RAP1GAP2: variants seen among roughly 807,000 people sequenced by gnomAD.
RAP1GAP2 encodes rap1 GTPase-activating protein 2.
RAP1GAP2 carries 27 observed loss-of-function variants against 95.0 expected under a neutral mutation model. That is an observed-to-expected ratio of 0.28 (90% CI 0.21 to 0.39). The LOEUF (loss-of-function observed/expected upper bound fraction) is 0.39. Among genes scored for constraint, RAP1GAP2 ranks in the 10% least tolerant of loss-of-function variants. The pLI, the probability that RAP1GAP2 is intolerant of heterozygous loss-of-function variation, is 1.00. For missense variants in RAP1GAP2, 771 were observed against 970.0 expected, an observed-to-expected ratio of 0.79 and a Z score of 2.72; for synonymous variants, 373 against 380.9, an observed-to-expected ratio of 0.98 and a Z score of 0.24.
At chr17:2,838,489 G>C (rs776372389) in intron 2 of RAP1GAP2, among the ~76,000 whole-genome samples, 8 of 152,080 alleles carry the variant, frequency 5.3e-5, no homozygotes, top group Non-Finnish European at 1.0e-4. Context: ...GGAGAGTTGG[G>C]ATGGTGACCT....
At chr17:2,847,078 G>A (rs1486674685) in intron 2 of RAP1GAP2, among the ~76,000 whole-genome samples, 1 of 152,114 alleles carries the variant, frequency 6.6e-6, no homozygotes, top group Non-Finnish European at 1.5e-5. Flanking sequence ...GCGCGATCTC[G>A]GCTCACTGCA....
rs1362866642 is a variant in RAP1GAP2, at chr17:3,029,173, A to G, written c.2108-1749A>G. On this transcript the variant is annotated intron_variant, in intron 22 of 24. Transcript: ENST00000254695. The surrounding 1 kb of genome is among the most constrained non-coding windows in gnomAD (Gnocchi z 4.4). ...GAAGGAATGAATGAAAGAATCTGTAAGCAAGCCTGGCCCCCACTTGGTGTT... is the reference window on the plus strand; with the variant it reads ...GAAGGAATGAATGAAAGAATCTGTAGGCAAGCCTGGCCCCCACTTGGTGTT... 6.6e-6 allele frequency among the ~76,000 whole-genome samples: 1 copy of G among 152,172 alleles called. No individual in the cohort carries two copies. Among genetic ancestry groups the G allele is most frequent in the African/African-American group, 2.4e-5 (1 of 41,438 alleles).
rs58160165 is a variant in RAP1GAP2, at chr17:2,828,984, C to CTTTTTTTTT, written c.80+28445_80+28453dup. On this transcript the variant is annotated intron_variant, in intron 2 of 24. Coordinates refer to ENST00000254695, the MANE Select transcript of RAP1GAP2 (RefSeq NM_015085.5). ...TCCTGTCTCAAAGATTAATTACTTG[C>CTTTTTTTTT]TTTTTTTTTTTTTTTTTTTGGGAAA... Among the ~76,000 whole-genome samples the CTTTTTTTTT allele has an allele frequency of 2.6e-3, 214 of 80,782 alleles. 12 individuals carry two copies. Among genetic ancestry groups the CTTTTTTTTT allele is most frequent in the South Asian group, 3.5e-3 (7 of 1,996 alleles). 53.0% of individuals were successfully genotyped at this position (80,782 alleles called of 152,430 possible). A position where few individuals can be genotyped will look rare whatever the true frequency, so the allele number is the denominator to read the frequency against.
At chr17:2,914,276 A>G (rs1303165872) in intron 3 of RAP1GAP2, among the ~76,000 whole-genome samples, 1 of 152,166 alleles carries the variant, frequency 6.6e-6, no homozygotes, top group Non-Finnish European at 1.5e-5. Flanking sequence ...CTGCATCCTC[A>G]TCAACATTTG....
At chr17:2,828,751 G>T (rs570659486) in intron 2 of RAP1GAP2, among the ~76,000 whole-genome samples, 1 of 152,114 alleles carries the variant, frequency 6.6e-6, no homozygotes, top group African/African-American at 2.4e-5. Context: ...AGCCCTGGCC[G>T]GGGGCAGAAG....
At chr17:2,859,484 G>A (rs992655042) in intron 2 of RAP1GAP2, among the ~76,000 whole-genome samples, 15 of 152,184 alleles carry the variant, frequency 9.9e-5, no homozygotes, top group Non-Finnish European at 1.9e-4. Context: ...CACCCAGGGT[G>A]GAGTGCAGTG....
intron 4 of RAP1GAP2, among the ~76,000 whole-genome samples, 167 bp downstream of exon 4, chr17:2,957,961 G>A (rs768422097): frequency 4.6e-5 from 7 of 152,136 alleles, no homozygotes; most frequent in Non-Finnish European, 1.5e-5. Flanking sequence ...TTTTGCTGTT[G>A]AGGGGTACGG....
At chr17:3,025,627 C>T (rs1041371733) in intron 19 of RAP1GAP2, among the ~76,000 whole-genome samples, 5 of 152,134 alleles carry the variant, frequency 3.3e-5, no homozygotes, top group Non-Finnish European at 5.9e-5. Flanking sequence ...GCGGTGGGGG[C>T]GGATGTCATA....
Position 2,882,333 on chromosome 17 carries a change from C to T in RAP1GAP2, c.81-22951C>T, listed in dbSNP as rs192321603. Among the ~76,000 whole-genome samples, 366 of 151,334 alleles carry T rather than the reference C, an allele frequency of 2.4e-3. 1 individual carries two copies. The highest frequency in any genetic ancestry group is 3.7e-3 in the Non-Finnish European group (252 of 67,830). On this transcript the variant is annotated intron_variant, in intron 2 of 24. Transcript: ENST00000254695. ...TGGCATAGAGTCTTACTCTTGTCCC[C>T]CAGGGTGGAGTGCAGTGGCACAATC...
In RAP1GAP2 at chr17:3,004,316, C is replaced by T. The variant is rs984995927; in HGVS notation, c.1201-1053C>T. Among the ~76,000 whole-genome samples, 6 of 152,246 alleles carry T rather than the reference C, an allele frequency of 3.9e-5. No homozygotes were observed. The highest frequency in any genetic ancestry group is 3.3e-4 in the Admixed American group (5 of 15,288). ...AAAGCCCGTATTGACCAGCTCTCTC[C>T]CGCTCCGTTTCCCCTCCGGACTCTG... On this transcript the variant is annotated intron_variant, in intron 14 of 24. Transcript: ENST00000254695. This position sits in a 1 kb window ranked among gnomAD's most constrained non-coding sequence, Gnocchi z 4.1.
intron 7 of RAP1GAP2, chr17:2,964,747 G>T (rs1432224113): frequency 1.3e-5 from 2 of 152,880 alleles, no homozygotes; most frequent in African/African-American, 4.8e-5. Flanking sequence ...TCCTCTGAGT[G>T]CTTGTACTGC....
chr17:2,785,942 C>T (rs1490810162), intron 1 of RAP1GAP2, among the ~76,000 whole-genome samples: 5 of 138,340 alleles, frequency 3.6e-5, no homozygotes, highest in East Asian at 2.1e-4. Context: ...GCTCTTGTTG[C>T]CCAGGCTGGA....
intron 2 of RAP1GAP2, among the ~76,000 whole-genome samples, chr17:2,808,572 G>A (rs1213263105): frequency 3.3e-5 from 5 of 152,128 alleles, no homozygotes; most frequent in South Asian, 2.1e-4. Context: ...GCGTCCCCTC[G>A]CTGGCCCGGC....
chr17:3,015,459 T>G (rs955562304), intron 17 of RAP1GAP2, among the ~76,000 whole-genome samples: 1 of 152,110 alleles, frequency 6.6e-6, no homozygotes, highest in African/African-American at 2.4e-5. Context: ...AGACCTGTTG[T>G]TTGGGTCAGG....
Position 2,820,164 on chromosome 17 carries a change from C to T in RAP1GAP2, c.80+19614C>T, listed in dbSNP as rs553574532. On this transcript the variant is annotated intron_variant, in intron 2 of 24. Coordinates refer to ENST00000254695, the MANE Select transcript of RAP1GAP2 (RefSeq NM_015085.5). ...TGTATCCCCCATTGATCCCCTCTTG[C>T]TGGACACCTAGGTCGTTTCCATTTT... Among the ~76,000 whole-genome samples, 9 of 152,250 alleles carry T rather than the reference C, an allele frequency of 5.9e-5. No homozygotes were observed. The South Asian group carries it at 1.9e-3, about 32-fold the overall frequency.
rs1001856794 is a variant in RAP1GAP2, at chr17:2,902,567, G to C, written c.81-2717G>C. 6.1e-4 allele frequency among the ~76,000 whole-genome samples: 93 copies of C among 152,138 alleles called. No homozygotes were observed. Among genetic ancestry groups the C allele is most frequent in the African/African-American group, 2.1e-3 (86 of 41,434 alleles). On this transcript the variant is annotated intron_variant, in intron 2 of 24. Coordinates refer to ENST00000254695, the MANE Select transcript of RAP1GAP2 (RefSeq NM_015085.5). This position sits in a 1 kb window ranked among gnomAD's most constrained non-coding sequence, Gnocchi z 4.1. ...GCAGTCATGCCTTCTGCCCACCCTG[G>C]CACCCCCTCTGGAGTCCTGGACACA...
At chr17:2,980,223 A>G (rs2045305423) in intron 8 of RAP1GAP2, 64 bp from the exon 9 acceptor site, 6 of 1,519,132 alleles carry the variant, frequency 3.9e-6, no homozygotes, top group South Asian at 3.4e-5. Flanking sequence ...GATGACAGGC[A>G]CGAGTCCCCG....
At chr17:2,893,755 C>G (rs775921330) in intron 2 of RAP1GAP2, among the ~76,000 whole-genome samples, 3 of 152,236 alleles carry the variant, frequency 2.0e-5, no homozygotes, top group Non-Finnish European at 4.4e-5. Flanking sequence ...CCGCTGACTG[C>G]GCCCGGGAGG....
intron 2 of RAP1GAP2, among the ~76,000 whole-genome samples, chr17:2,875,876 G>A (rs774237444): frequency 1.7e-4 from 25 of 151,348 alleles, no homozygotes; most frequent in Admixed American, 3.9e-4. Context: ...TTCTTGCCCC[G>A]CCAAAGTCAT....
Sources: allele counts gnomAD v4.1 joint callset (sites outside exome capture counted in the v4.1 genomes callset), GRCh38; gene constraint gnomAD v4.1.1; non-coding constraint Gnocchi (gnomAD v3.1); transcripts MANE v1.5; gene names NCBI Gene and HGNC (gene_info 2026-07-23, HGNC 2026-07-21).